Variants in ZC3H12B observed in about 807,000 individuals in gnomAD.
ZC3H12B encodes the protein probable ribonuclease ZC3H12B.
A neutral mutation model predicts 43.9 loss-of-function variants in ZC3H12B; 7 were observed. The observed-to-expected ratio is 0.16, with a 90% CI of 0.09 to 0.30. ZC3H12B has a LOEUF of 0.30. Among genes scored for constraint, ZC3H12B ranks in the 10% least tolerant of loss-of-function variants. ZC3H12B has a pLI of 1.00. For missense variants in ZC3H12B, 475 were observed against 670.2 expected (o/e 0.71, Z 3.22); for synonymous variants, 222 against 241.7 (o/e 0.92, Z 0.76).
chrX:65,052,851 C>T, the ZC3H12B span, among the ~76,000 whole-genome samples: 3 of 111,683 alleles, frequency 2.7e-5, no homozygotes, highest in Non-Finnish European at 3.8e-5. Flanking sequence ...TTTAAGGAAC[C>T]TCCACATTAT....
chrX:65,132,099 G>A, the ZC3H12B span, among the ~76,000 whole-genome samples: 4 of 111,344 alleles, frequency 3.6e-5, no homozygotes, highest in Admixed American at 1.9e-4. Flanking sequence ...AGGCTGGGAT[G>A]AGGGGTGTAG....
chrX:65,132,558 A>T, the ZC3H12B span, among the ~76,000 whole-genome samples: 4 of 110,725 alleles, frequency 3.6e-5, no homozygotes, highest in East Asian at 1.1e-3. Context: ...AAGGGCAGCA[A>T]TGAGGTGTGG....
the ZC3H12B span, among the ~76,000 whole-genome samples, chrX:65,200,935 G>A: frequency 4.5e-5 from 5 of 111,258 alleles, no homozygotes; most frequent in East Asian, 2.8e-4. Flanking sequence ...TGCTGGATTC[G>A]GTTTGCCAGT....
chrX:65,218,364 C>G, the ZC3H12B span, among the ~76,000 whole-genome samples: 1 of 112,195 alleles, frequency 8.9e-6, no homozygotes, highest in African/African-American at 3.2e-5. Context: ...ATGGGACAGC[C>G]GAGGAACTGT....
the ZC3H12B span, among the ~76,000 whole-genome samples, chrX:65,282,681 A>G: frequency 1.8e-5 from 2 of 111,866 alleles, no homozygotes; most frequent in Non-Finnish European, 3.8e-5. Context: ...ACCATCAGAG[A>G]ATGCTATAAA....
chrX:65,419,047 G>C (rs2066990300), intron 3 of ZC3H12B, among the ~76,000 whole-genome samples: 1 of 111,058 alleles, frequency 9.0e-6, no homozygotes. Context: ...AGGGGCTTAT[G>C]GAAGTCAGGT....
chrX:65,471,445 A>ATTTTTTTTTTTT (rs781370409), intron 3 of ZC3H12B, among the ~76,000 whole-genome samples: 3 of 61,082 alleles, frequency 4.9e-5, no homozygotes, highest in Non-Finnish European at 8.9e-5. Flanking sequence ...TTGGTTTGTG[A>ATTTTTTTTTTTT]TTTTTTTTTT....
chrX:65,055,847 T>C, the ZC3H12B span, among the ~76,000 whole-genome samples: 13 of 112,172 alleles, frequency 1.2e-4, no homozygotes, highest in Non-Finnish European at 2.4e-4. Flanking sequence ...TTCATTCATT[T>C]CTTCTAGATT....
the ZC3H12B span, among the ~76,000 whole-genome samples, chrX:65,144,555 G>T: frequency 9.0e-6 from 1 of 111,591 alleles, no homozygotes; most frequent in Non-Finnish European, 1.9e-5. Flanking sequence ...CTTGAGGTGT[G>T]AACTTAGATT....
At chrX:65,305,783 G>A in the ZC3H12B span, among the ~76,000 whole-genome samples, 2 of 111,721 alleles carry the variant, frequency 1.8e-5, no homozygotes, top group African/African-American at 3.3e-5. Context: ...GGGTGATATC[G>A]CTCATTTATG....
chrX:65,405,403 T>C (rs991857986), intron 3 of ZC3H12B, among the ~76,000 whole-genome samples: 3 of 112,171 alleles, frequency 2.7e-5, no homozygotes, highest in African/African-American at 9.7e-5. Context: ...GCGGATCAAT[T>C]CAAGTCAGGA....
chrX:65,074,238 G>T, the ZC3H12B span, among the ~76,000 whole-genome samples: 1 of 109,227 alleles, frequency 9.2e-6, no homozygotes, highest in Non-Finnish European at 1.9e-5. Context: ...TAGAAAGACA[G>T]TTTTTCTGGA....
chrX:65,105,306 G>A, the ZC3H12B span, among the ~76,000 whole-genome samples: 14 of 110,842 alleles, frequency 1.3e-4, no homozygotes, highest in African/African-American at 4.3e-4. Flanking sequence ...TAGTGCATGT[G>A]GGGCTTAAAA....
At chrX:65,107,937 G>A in the ZC3H12B span, among the ~76,000 whole-genome samples, 3 of 111,692 alleles carry the variant, frequency 2.7e-5, no homozygotes, top group Non-Finnish European at 5.7e-5. Flanking sequence ...GTGCTCCTAG[G>A]CTGCAAACTT....
the ZC3H12B span, among the ~76,000 whole-genome samples, chrX:65,215,769 C>T: frequency 4.5e-5 from 5 of 111,863 alleles, no homozygotes; most frequent in Non-Finnish European, 7.5e-5. Context: ...TCTAAGCTTT[C>T]GACATGCCTT....
intron 3 of ZC3H12B, among the ~76,000 whole-genome samples, chrX:65,469,833 T>G (rs886524054): frequency 7.2e-5 from 8 of 111,269 alleles, no homozygotes; most frequent in Admixed American, 2.9e-4. Context: ...TATCTGGGTG[T>G]GGACACGTGC....
At chrX:65,427,307 C>A (rs1245219821) in intron 3 of ZC3H12B, among the ~76,000 whole-genome samples, 2 of 110,882 alleles carry the variant, frequency 1.8e-5, no homozygotes, top group African/African-American at 6.6e-5. Flanking sequence ...TTTCCATTTG[C>A]AGAGTAGATT....
chrX:65,322,008 A>G, the ZC3H12B span, among the ~76,000 whole-genome samples: 1 of 111,444 alleles, frequency 9.0e-6, no homozygotes, highest in African/African-American at 3.3e-5. Context: ...ATTTCCCTAT[A>G]TAACAAACCT....
At chrX:65,235,513 G>A in the ZC3H12B span, among the ~76,000 whole-genome samples, 1 of 110,906 alleles carries the variant, frequency 9.0e-6, no homozygotes, top group East Asian at 2.9e-4. Context: ...TCTCTGCCTG[G>A]GCCTCCCTCA....
Sources: allele counts gnomAD v4.1 joint callset (sites outside exome capture counted in the v4.1 genomes callset), GRCh38; gene constraint gnomAD v4.1.1; transcripts MANE v1.5; gene names NCBI Gene and HGNC (gene_info 2026-07-23, HGNC 2026-07-21).